LPIN2: variants seen among roughly 807,000 people sequenced by gnomAD.
LPIN2 encodes the protein phosphatidate phosphatase LPIN2.
A neutral mutation model predicts 111.4 loss-of-function variants in LPIN2; 55 were observed. The observed-to-expected ratio is 0.49, with a 90% CI of 0.40 to 0.62. The LOEUF is 0.62. Ranked by LOEUF, LPIN2 falls within the 20% of genes least tolerant of loss-of-function variation. LPIN2 has a pLI of 0.00. For missense variants in LPIN2, 992 were observed against 1,112.1 expected (o/e 0.89, Z 1.54); for synonymous variants, 425 against 414.0 (o/e 1.03, Z -0.32).
At chr18:2,949,877 T>C (rs1225345058) in intron 4 of LPIN2, among the ~76,000 whole-genome samples, 1 of 151,562 alleles carries the variant, frequency 6.6e-6, no homozygotes, top group Non-Finnish European at 1.5e-5. Flanking sequence ...GGCGGGAGAG[T>C]TGCTTGAGGC....
chr18:2,970,020 A>C (rs866355003), intron 1 of LPIN2, among the ~76,000 whole-genome samples: 1 of 152,222 alleles, frequency 6.6e-6, no homozygotes, highest in South Asian at 2.1e-4. Context: ...ATGATACTTA[A>C]ATTCTAGAAC....
intron 4 of LPIN2, among the ~76,000 whole-genome samples, chr18:2,942,267 T>G (rs2077376592): frequency 6.6e-6 from 1 of 152,136 alleles, no homozygotes; most frequent in Non-Finnish European, 1.5e-5. Context: ...GGAGAAAACA[T>G]ATACCTGAGA....
intron 1 of LPIN2, among the ~76,000 whole-genome samples, chr18:2,971,661 G>A (rs1345856355): frequency 6.6e-6 from 1 of 151,474 alleles, no homozygotes; most frequent in Non-Finnish European, 1.5e-5. Flanking sequence ...CAAGGAGAGG[G>A]AGAAATATAC....
intron 1 of LPIN2, among the ~76,000 whole-genome samples, chr18:2,976,478 T>A (rs952290892): frequency 2.0e-5 from 3 of 152,368 alleles, no homozygotes; most frequent in African/African-American, 7.2e-5. Flanking sequence ...GAATGTAGGC[T>A]GCCTTATCAA....
chr18:2,973,231 AAT>A (rs2077952376), intron 1 of LPIN2, among the ~76,000 whole-genome samples: 1 of 152,212 alleles, frequency 6.6e-6, no homozygotes, highest in Admixed American at 6.5e-5. Context: ...CAGGCAGGAA[AAT>A]TAACCCTTTT....
At chr18:3,009,244 A>G (rs2078564251) in intron 1 of LPIN2, among the ~76,000 whole-genome samples, 1 of 151,594 alleles carries the variant, frequency 6.6e-6, no homozygotes, top group Admixed American at 6.6e-5. Context: ...CTAAAAATAC[A>G]AAAAATTAGC....
intron 1 of LPIN2, among the ~76,000 whole-genome samples, chr18:3,010,228 G>A (rs1033433079): frequency 6.7e-5 from 10 of 149,856 alleles, no homozygotes; most frequent in Non-Finnish European, 1.3e-4. Context: ...GCTGACAGCA[G>A]GGGAGGTGGA....
chr18:2,996,712 C>A (rs1242804515), intron 1 of LPIN2, among the ~76,000 whole-genome samples: 1 of 151,950 alleles, frequency 6.6e-6, no homozygotes, highest in Non-Finnish European at 1.5e-5. Context: ...CTCCTGACGT[C>A]ATGATCCACC....
At position 2,991,161 on chromosome 18, in the gene LPIN2, G is replaced by A. The variant is rs562230795; in HGVS notation, c.-10+21926C>T. The A allele has an allele frequency of 4.0e-4, 122 of 306,244 alleles. 1 individual carries two copies. The highest frequency in any genetic ancestry group is 2.2e-3 in the African/African-American group (105 of 47,166). The allele number at this position is 306,244 out of a possible 1,614,324, so 19.0% of individuals were successfully genotyped here. ...CAGGAGATCACAATGCTGTGACTCT[G>A]GGTGTTTTCTTATCAGTCTGATACA... On this transcript the variant is annotated intron_variant, in intron 1 of 19. Coordinates refer to ENST00000677752, the MANE Select transcript of LPIN2 (RefSeq NM_001375808.2).
At position 2,926,817 on chromosome 18, in the gene LPIN2, AGAT is replaced by A; in HGVS notation, c.1711-15_1711-13del. 1 of 1,610,614 alleles carries A rather than the reference AGAT, an allele frequency of 6.2e-7. No homozygotes were observed. Among genetic ancestry groups the A allele is most frequent in the Non-Finnish European group, 8.5e-7 (1 of 1,177,232 alleles). On this transcript the variant is annotated splice_polypyrimidine_tract_variant and intron_variant, in intron 12 of 19. Transcript: ENST00000677752. Reference sequence around the variant, plus strand: ...TTGGATTCTGGCAGCTGTAACAGCAAGATGATAATGGCAACATGCAATTTTTTC... The same window carrying A: ...TTGGATTCTGGCAGCTGTAACAGCAAGATAATGGCAACATGCAATTTTTTC...
At chr18:2,998,783 T>C (rs1472599983) in intron 1 of LPIN2, among the ~76,000 whole-genome samples, 1 of 152,158 alleles carries the variant, frequency 6.6e-6, no homozygotes, top group African/African-American at 2.4e-5. Context: ...CTGGCTAACA[T>C]GTTCACGAAA....
At chr18:2,953,621 G>C (rs1426367329) in intron 3 of LPIN2, among the ~76,000 whole-genome samples, 1 of 151,902 alleles carries the variant, frequency 6.6e-6, no homozygotes, top group Non-Finnish European at 1.5e-5. Flanking sequence ...CGTATTTTTT[G>C]GTAATAATTT....
chr18:3,004,706 CA>C (rs2078485425), intron 1 of LPIN2, among the ~76,000 whole-genome samples: 1 of 152,172 alleles, frequency 6.6e-6, no homozygotes, highest in Non-Finnish European at 1.5e-5. Flanking sequence ...TCCTCCTCCC[CA>C]ACACCTTTAG....
intron 1 of LPIN2, among the ~76,000 whole-genome samples, chr18:2,969,553 T>C (rs1055109594): frequency 6.6e-6 from 1 of 152,138 alleles, no homozygotes; most frequent in South Asian, 2.1e-4. Context: ...ATCTAACTTC[T>C]TTTTCCCCAC....
At chr18:2,962,870 A>C (rs2143219467) in intron 1 of LPIN2, among the ~76,000 whole-genome samples, 1 of 152,344 alleles carries the variant, frequency 6.6e-6, no homozygotes, top group Admixed American at 6.5e-5. Flanking sequence ...AAAAATGCTA[A>C]CTTTTAAGCA....
Position 3,008,139 on chromosome 18 carries a change from A to C in LPIN2, c.-10+4948T>G, listed in dbSNP as rs557875539. ...TTATAAAAAGAGACCATCTTATTTT[A>C]AATTTAAAAACGGATGCTTAGGCTG... is the stretch of plus-strand genomic sequence containing the variant. On this transcript the variant is annotated intron_variant, in intron 1 of 19. Coordinates refer to ENST00000677752, the MANE Select transcript of LPIN2 (RefSeq NM_001375808.2). Among the ~76,000 whole-genome samples, 208 of 152,352 alleles carry C rather than the reference A, an allele frequency of 1.4e-3. 2 individuals are homozygous for C. Among genetic ancestry groups the C allele is most frequent in the Admixed American group, 2.7e-3 (42 of 15,310 alleles).
chr18:3,009,688 G>A (rs1402903732), intron 1 of LPIN2, among the ~76,000 whole-genome samples: 2 of 151,984 alleles, frequency 1.3e-5, no homozygotes, highest in Non-Finnish European at 1.5e-5. Flanking sequence ...TGATCCGCCC[G>A]CCTCGGCCTC....
intron 12 of LPIN2, among the ~76,000 whole-genome samples, chr18:2,927,062 A>T (rs1233727131): frequency 6.6e-6 from 1 of 152,208 alleles, no homozygotes; most frequent in Non-Finnish European, 1.5e-5. Context: ...GTCACAAAAC[A>T]TAATACAAGC....
Position 3,000,738 on chromosome 18 carries a change from G to A in LPIN2, c.-10+12349C>T, listed in dbSNP as rs189251489. 1.2e-4 allele frequency among the ~76,000 whole-genome samples: 19 copies of A among 152,284 alleles called. No homozygotes were observed. In the East Asian group the frequency reaches 3.7e-3, roughly 29 times the overall value. ...GACTCTGGTGACATAGGGCCTGCTA[G>A]CCAGGTCTAAGTAACGAAACAAGGC... On this transcript the variant is annotated intron_variant, in intron 1 of 19. Transcript: ENST00000677752.
Sources: allele counts gnomAD v4.1 joint callset (sites outside exome capture counted in the v4.1 genomes callset), GRCh38; gene constraint gnomAD v4.1.1; transcripts MANE v1.5; gene names NCBI Gene and HGNC (gene_info 2026-07-23, HGNC 2026-07-21).